GCC2: variants seen among roughly 807,000 people sequenced by gnomAD.
The protein encoded by GCC2 is GRIP and coiled-coil domain containing 2, also known as GRIP and coiled-coil domain-containing protein 2.
GCC2 carries 120 observed loss-of-function variants against 210.6 expected under a neutral mutation model. That is an observed-to-expected ratio of 0.57 (90% CI 0.49 to 0.66). The LOEUF (loss-of-function observed/expected upper bound fraction) is 0.66. Ranked by LOEUF, GCC2 falls within the 30% of genes least tolerant of loss-of-function variation. GCC2 has a pLI of 0.00. For missense variants in GCC2, 1,868 were observed against 1,871.9 expected (o/e 1.00, Z 0.04); for synonymous variants, 703 against 652.7 (o/e 1.08, Z -1.17).
intron 22 of GCC2, among the ~76,000 whole-genome samples, chr2:108,506,839 C>G (rs558981956): frequency 1.2e-3 from 186 of 151,478 alleles, no homozygotes; most frequent in African/African-American, 4.5e-3. Context: ...TTCATAACAT[C>G]AAAGTATATT....
At chr2:108,486,312 T>A (rs1213223627) in intron 15 of GCC2, 199 bp from the exon 16 acceptor site, 4 of 582,852 alleles carry the variant, frequency 6.9e-6, no homozygotes, top group Non-Finnish European at 1.2e-5. Flanking sequence ...TTTGAATTGA[T>A]GTTGGTTTAA....
At position 108,475,858 on chromosome 2, in the gene GCC2, A is replaced by T; in HGVS notation, c.3060+8A>T. On this transcript the variant is annotated splice_region_variant and intron_variant, in intron 9 of 22. Coordinates refer to ENST00000309863, the MANE Select transcript of GCC2 (RefSeq NM_181453.4). Reference sequence around the variant, plus strand: ...GGAGCAGAAAGCTATAAGGTAAAAAATAGTCATTTTAATAACAAGTTATAA... The same window carrying T: ...GGAGCAGAAAGCTATAAGGTAAAAATTAGTCATTTTAATAACAAGTTATAA... The T allele has an allele frequency of 7.0e-7, 1 of 1,431,826 alleles. No individual in the cohort carries two copies. The highest frequency in any genetic ancestry group is 9.6e-7 in the Non-Finnish European group (1 of 1,038,544). The allele number at this position is 1,431,826 out of a possible 1,614,324, so 88.7% of individuals were successfully genotyped here. A position where few individuals can be genotyped will look rare whatever the true frequency, so the allele number is the denominator to read the frequency against.
intron 4 of GCC2, among the ~76,000 whole-genome samples, chr2:108,456,649 A>G (rs927946355): frequency 6.6e-6 from 1 of 152,126 alleles, no homozygotes; most frequent in African/African-American, 2.4e-5. Context: ...TGTCTTCTTC[A>G]TGCTGTTGAT....
intron 22 of GCC2, among the ~76,000 whole-genome samples, chr2:108,506,406 G>GA (rs199541835): frequency 0.025 from 3,797 of 152,272 alleles, 122 homozygotes; most frequent in South Asian, 0.14. Flanking sequence ...ATGACACTCT[G>GA]AAAAAAGCAG....
At chr2:108,456,586 T>C (rs1680291305) in intron 4 of GCC2, among the ~76,000 whole-genome samples, 1 of 152,204 alleles carries the variant, frequency 6.6e-6, no homozygotes, top group African/African-American at 2.4e-5. Context: ...ACTCTGGGTA[T>C]TAGTCCCATA....
At chr2:108,482,214 T>C (rs886743334) in intron 10 of GCC2, 73 bp from the exon 11 acceptor site, 78 of 821,776 alleles carry the variant, frequency 9.5e-5, no homozygotes, top group Middle Eastern at 3.7e-4. Flanking sequence ...TTCTCATTAA[T>C]GTACCTGTTC....
intron 8 of GCC2, 54 bp downstream of exon 8, chr2:108,475,689 A>C: frequency 6.8e-7 from 1 of 1,464,024 alleles, no homozygotes; most frequent in East Asian, 2.3e-5. Flanking sequence ...TTAAAAATCA[A>C]GAGTTTTTCT....
chr2:108,485,335 GAAA>G (rs950863654), intron 13 of GCC2, among the ~76,000 whole-genome samples: 3 of 143,104 alleles, frequency 2.1e-5, no homozygotes, highest in Admixed American at 7.0e-5. Context: ...AAAAAAAAAA[GAAA>G]AAAAAAAGAT....
At chr2:108,504,250 T>C (rs1248991672) in intron 22 of GCC2, among the ~76,000 whole-genome samples, 1 of 152,186 alleles carries the variant, frequency 6.6e-6, no homozygotes, top group African/African-American at 2.4e-5. Context: ...GACTGTATCA[T>C]CAGCTCTAGA....
At chr2:108,454,727 G>A (rs1416264803) in intron 4 of GCC2, among the ~76,000 whole-genome samples, 5 of 152,180 alleles carry the variant, frequency 3.3e-5, no homozygotes, top group Non-Finnish European at 7.3e-5. Flanking sequence ...CTGTAGAACA[G>A]CGATAATAAT....
intron 9 of GCC2, among the ~76,000 whole-genome samples, chr2:108,479,635 T>C (rs191993329): frequency 1.9e-3 from 273 of 144,310 alleles, no homozygotes; most frequent in African/African-American, 6.4e-3. Flanking sequence ...AGCAAGACCC[T>C]GTCTCAAAAA....
chr2:108,485,597 T>A (rs907217190), intron 13 of GCC2, 39 bp from the exon 14 acceptor site: 2 of 1,052,426 alleles, frequency 1.9e-6, no homozygotes, highest in Non-Finnish European at 1.4e-6. Context: ...TGATAAAAAT[T>A]GTTACATCTT....
intron 6 of GCC2, 121 bp downstream of exon 6, chr2:108,472,237 G>A: frequency 1.7e-6 from 1 of 575,678 alleles, no homozygotes; most frequent in Non-Finnish European, 2.8e-6. Flanking sequence ...AGCCCAAGTG[G>A]CAACTTTCTG....
chr2:108,449,899 C>T (rs1679828813), intron 2 of GCC2: 2 of 565,938 alleles, frequency 3.5e-6, no homozygotes, highest in African/African-American at 1.9e-5. Flanking sequence ...CTTCCTGCTC[C>T]TGGTTAGCAC....
At chr2:108,461,437 C>T (rs2104425157) in intron 4 of GCC2, among the ~76,000 whole-genome samples, 1 of 152,302 alleles carries the variant, frequency 6.6e-6, no homozygotes, top group Admixed American at 6.5e-5. Context: ...ATCTACCTCT[C>T]TTGCTAGACT....
chr2:108,487,899 G>GTT, intron 17 of GCC2, 79 bp downstream of exon 17: 4 of 707,198 alleles, frequency 5.7e-6, no homozygotes, highest in Non-Finnish European at 8.5e-6. Flanking sequence ...ATCCTATTAT[G>GTT]ATTTTTTTTT....
chr2:108,472,243 T>C, intron 6 of GCC2, 127 bp downstream of exon 6: 1 of 537,126 alleles, frequency 1.9e-6, no homozygotes, highest in East Asian at 3.2e-5. Flanking sequence ...AGTGGCAACT[T>C]TCTGAAAAGT....
intron 15 of GCC2, chr2:108,486,288 G>T (rs1682136170): frequency 1.8e-6 from 1 of 545,792 alleles, no homozygotes. Context: ...TATGTAGTCT[G>T]GGATTTTCTT....
In GCC2 at chr2:108,507,683, G is replaced by A. The variant is rs1683271429; in HGVS notation, c.*53G>A. On this transcript the variant is annotated 3_prime_UTR_variant, in exon 23 of 23. Transcript: ENST00000309863. ...CAAATAGAATCTATTTACAAAAATG[G>A]TTCACGTATATTACCACAATTCTTT... is the stretch of plus-strand genomic sequence containing the variant. The A allele has an allele frequency of 4.7e-6, 6 of 1,270,042 alleles. No homozygotes were observed. The highest frequency in any genetic ancestry group is 6.8e-6 in the Non-Finnish European group (6 of 886,434). The allele number at this position is 1,270,042 out of a possible 1,614,324, so 78.7% of individuals were successfully genotyped here. A position where few individuals can be genotyped will look rare whatever the true frequency, so the allele number is the denominator to read the frequency against.
Sources: gnomAD v4.1 joint callset for allele counts (sites outside exome capture counted in the v4.1 genomes callset) on GRCh38, gnomAD v4.1.1 for gene constraint, MANE v1.5 for transcripts, NCBI Gene and HGNC (gene_info 2026-07-23, HGNC 2026-07-21) for gene names.